LIPC: variants seen among roughly 807,000 people sequenced by gnomAD.
The protein encoded by LIPC is hepatic triacylglycerol lipase.
A neutral mutation model predicts 50.7 loss-of-function variants in LIPC; 44 were observed. That is an observed-to-expected ratio of 0.87 (90% CI 0.68 to 1.11). The LOEUF is 1.11. Among genes scored for constraint, LIPC ranks in the 50% most tolerant of loss-of-function variants. The pLI is 0.00. For missense variants in LIPC, 697 were observed against 648.2 expected, an observed-to-expected ratio of 1.08 and a Z score of -0.82; for synonymous variants, 271 against 256.4, an observed-to-expected ratio of 1.06 and a Z score of -0.54.
In LIPC at chr15:58,548,534, G is replaced by A. The variant is rs1893623088; in HGVS notation, c.1013G>A (p.Arg338Lys). The change falls in exon 6 of 9, where the codon AGG (arginine) becomes AAG (lysine). Residue 338 changes from arginine to lysine, a missense_variant. By Grantham distance (26) the Arg-to-Lys change is conservative. Coordinates refer to ENST00000299022, the MANE Select transcript of LIPC (RefSeq NM_000236.3). ...VRQEPRSKSK[R>K]LFLVTRAQSP... Reference sequence around the variant, plus strand: ...CAGGAGCCGCGGAGCAAGAGCAAGAGGCTCTTCCTCGTAACGCGAGCCCAG... The same window carrying A: ...CAGGAGCCGCGGAGCAAGAGCAAGAAGCTCTTCCTCGTAACGCGAGCCCAG... 1.3e-6 allele frequency: 2 copies of A among 1,598,516 alleles called. No individual in the cohort carries two copies. Among genetic ancestry groups the A allele is most frequent in the Middle Eastern group, 1.8e-4 (1 of 5,650 alleles).
intron 3 of LIPC, 88 bp from the exon 4 acceptor site, chr15:58,542,446 A>G: frequency 1.2e-6 from 1 of 853,164 alleles, no homozygotes; most frequent in South Asian, 1.3e-5. Flanking sequence ...GGCACGAAGA[A>G]CAGGGTGGGC....
At chr15:58,507,580 TATA>T (rs1399850059) in intron 1 of LIPC, among the ~76,000 whole-genome samples, 1 of 152,212 alleles carries the variant, frequency 6.6e-6, no homozygotes, top group Non-Finnish European at 1.5e-5. Flanking sequence ...TGGTCCCTCT[TATA>T]ATAAGGTGAG....
At chr15:58,562,251 T>C (rs1566952774) in intron 7 of LIPC, among the ~76,000 whole-genome samples, 1 of 152,158 alleles carries the variant, frequency 6.6e-6, no homozygotes, top group Non-Finnish European at 1.5e-5. Context: ...TCCCACCAAC[T>C]GCTCAATGTT....
chr15:58,500,188 C>T (rs975394610), intron 1 of LIPC, among the ~76,000 whole-genome samples: 25 of 152,094 alleles, frequency 1.6e-4, no homozygotes, highest in Non-Finnish European at 1.0e-4. Context: ...GTATGTCTTC[C>T]CTCATGAAAA....
chr15:58,519,409 T>C lies in LIPC; in HGVS notation c.89-18924T>C, dbSNP rs1321248215. On this transcript the variant is annotated intron_variant, in intron 1 of 8. Coordinates refer to ENST00000299022, the MANE Select transcript of LIPC (RefSeq NM_000236.3). ...CTGGGTGACACAGAGAGACTCTGTC[T>C]CAAAAAAAAAAAAAAGAAAAAAAAG... Among the ~76,000 whole-genome samples the C allele has an allele frequency of 5.0e-4, 8 of 16,026 alleles. No homozygotes were observed. In the East Asian group the frequency reaches 0.014, roughly 29 times the overall value. The allele number at this position is 16,026 out of a possible 152,430, so 10.5% of individuals were successfully genotyped here. A position where few individuals can be genotyped will look rare whatever the true frequency, so the allele number is the denominator to read the frequency against.
chr15:58,555,862 G>T (rs115842882), intron 6 of LIPC, among the ~76,000 whole-genome samples: 4 of 152,308 alleles, frequency 2.6e-5, no homozygotes, highest in African/African-American at 9.6e-5. Flanking sequence ...AGAGCACGGG[G>T]GAGCAGAGGG....
intron 6 of LIPC, among the ~76,000 whole-genome samples, chr15:58,557,750 T>C (rs1364781909): frequency 6.6e-6 from 1 of 152,190 alleles, no homozygotes; most frequent in African/African-American, 2.4e-5. Context: ...AATTAATACA[T>C]ATCATATTAA....
intron 1 of LIPC, among the ~76,000 whole-genome samples, chr15:58,488,850 A>G (rs1891468200): frequency 6.6e-6 from 1 of 152,184 alleles, no homozygotes; most frequent in Admixed American, 6.5e-5. Flanking sequence ...CTAGGGATGA[A>G]TTCCCTATTA....
chr15:58,561,932 C>T (rs1267555030), intron 7 of LIPC, among the ~76,000 whole-genome samples: 4 of 152,148 alleles, frequency 2.6e-5, no homozygotes, highest in African/African-American at 9.7e-5. Flanking sequence ...AGGAGGGGTC[C>T]ATTCAGATGG....
At chr15:58,526,918 G>A (rs903486656) in intron 1 of LIPC, among the ~76,000 whole-genome samples, 7 of 152,168 alleles carry the variant, frequency 4.6e-5, no homozygotes, top group African/African-American at 1.7e-4. Context: ...CAGCTAATAA[G>A]TGTTAAACAA....
chr15:58,446,736 A>G (rs1436083181), intron 1 of LIPC, among the ~76,000 whole-genome samples: 2 of 152,152 alleles, frequency 1.3e-5, no homozygotes, highest in African/African-American at 4.8e-5. Flanking sequence ...GGCCAGTCTT[A>G]GCTACTGTTG....
At chr15:58,432,383 A>T in intron 1 of LIPC, 1 of 510,072 alleles carries the variant, frequency 2.0e-6, no homozygotes, top group East Asian at 3.6e-5. Flanking sequence ...TCTGATATGG[A>T]AACAGTCATG....
chr15:58,536,621 G>A (rs1893132247), intron 1 of LIPC, among the ~76,000 whole-genome samples: 1 of 152,192 alleles, frequency 6.6e-6, no homozygotes, highest in African/African-American at 2.4e-5. Context: ...AGGGCAGCCA[G>A]TGAAATCAGC....
At chr15:58,470,074 G>A (rs7162384) in intron 1 of LIPC, among the ~76,000 whole-genome samples, 18,500 of 151,630 alleles carry the variant, frequency 0.12, 1,257 homozygotes, top group Non-Finnish European at 0.17. Context: ...CTGGGACTAC[G>A]GGTACATACC....
chr15:58,525,178 C>G (rs1892765270), intron 1 of LIPC, among the ~76,000 whole-genome samples: 3 of 152,260 alleles, frequency 2.0e-5, no homozygotes, highest in Middle Eastern at 6.8e-3. Flanking sequence ...TCCATCTTTA[C>G]CCCAGCACTT....
At chr15:58,529,818 T>C (rs1252393227) in intron 1 of LIPC, among the ~76,000 whole-genome samples, 2 of 152,166 alleles carry the variant, frequency 1.3e-5, no homozygotes, top group African/African-American at 4.8e-5. Context: ...TGGGTCCCAG[T>C]TTCTTCAACT....
chr15:58,557,634 C>G (rs980772414), intron 6 of LIPC, among the ~76,000 whole-genome samples: 10 of 152,142 alleles, frequency 6.6e-5, no homozygotes, highest in Admixed American at 1.3e-4. Flanking sequence ...ATCCGCCCCC[C>G]TCAGCCTCCC....
intron 6 of LIPC, among the ~76,000 whole-genome samples, chr15:58,552,524 G>A (rs1282496915): frequency 2.0e-5 from 3 of 152,046 alleles, no homozygotes; most frequent in Non-Finnish European, 2.9e-5. Context: ...TCCCCGTGCT[G>A]CCCTTCCCCC....
intron 4 of LIPC, among the ~76,000 whole-genome samples, chr15:58,543,242 C>A (rs1363144486): frequency 1.3e-5 from 2 of 152,158 alleles, no homozygotes; most frequent in African/African-American, 4.8e-5. Flanking sequence ...CTTCACACTG[C>A]CAGGCATTGG....
Sources: allele counts gnomAD v4.1 joint callset (sites outside exome capture counted in the v4.1 genomes callset), GRCh38; gene constraint gnomAD v4.1.1; transcripts MANE v1.5; gene names NCBI Gene and HGNC (gene_info 2026-07-23, HGNC 2026-07-21).